Variants in ESYT2 observed in about 807,000 individuals in gnomAD.
ESYT2 encodes the protein extended synaptotagmin-2.
A neutral mutation model predicts 107.2 loss-of-function variants in ESYT2; 54 were observed. The ratio of observed to expected loss-of-function variants is 0.50; its 90% CI spans 0.40 to 0.63. The LOEUF is 0.63. Ranked by LOEUF, ESYT2 falls within the 30% of genes least tolerant of loss-of-function variation. ESYT2 has a pLI of 0.00. For missense variants in ESYT2, 1,020 were observed against 1,094.5 expected, an observed-to-expected ratio of 0.93 and a Z score of 0.96; for synonymous variants, 491 against 434.1, an observed-to-expected ratio of 1.13 and a Z score of -1.63.
At chr7:158,791,297 C>T (rs1406935950) in intron 4 of ESYT2, among the ~76,000 whole-genome samples, 2 of 152,228 alleles carry the variant, frequency 1.3e-5, no homozygotes, top group Non-Finnish European at 1.5e-5. Flanking sequence ...CTAAGGTGTA[C>T]AGGCCACATT....
At position 158,791,280 on chromosome 7, in the gene ESYT2, C is replaced by G. The variant is rs79439679; in HGVS notation, c.584+2370G>C. On this transcript the variant is annotated intron_variant, in intron 4 of 22. Coordinates refer to ENST00000275418, the MANE Select transcript of ESYT2 (RefSeq NM_001367773.1). Reference sequence around the variant, plus strand: ...ATGTGGCGGCCTGGAGCAGGAGTCCCGTGTTTCTAAGGTGTACAGGCCACA... The same window carrying G: ...ATGTGGCGGCCTGGAGCAGGAGTCCGGTGTTTCTAAGGTGTACAGGCCACA... 5.3e-3 allele frequency among the ~76,000 whole-genome samples: 808 copies of G among 152,302 alleles called. 45 individuals carry two copies. The East Asian group carries it at 0.12, about 22-fold the overall frequency.
Position 158,743,556 on chromosome 7 carries a change from G to A in ESYT2, c.1767C>T (p.Ser589=). The A allele has an allele frequency of 3.7e-6, 6 of 1,612,588 alleles. No homozygotes were observed. The highest frequency in any genetic ancestry group is 1.1e-5 in the South Asian group (1 of 90,874). Residue 589 remains serine (S), a synonymous_variant, in exon 17 of 23, where the codon AGC becomes AGT. Transcript: ENST00000275418. The part of the protein sequence containing the change: ...RFQLSNSGPN[S]TIKMKIALRV... ...GCAGGGCAATCTTCATCTTGATGGT[G>A]CTGTTTGGACCCGAGTTACTGAGCT...
At chr7:158,781,371 T>C (rs941656125) in intron 6 of ESYT2, among the ~76,000 whole-genome samples, 3 of 149,726 alleles carry the variant, frequency 2.0e-5, no homozygotes, top group Admixed American at 1.3e-4. Flanking sequence ...CGAGAACAAG[T>C]GTGAGAGTGA....
intron 17 of ESYT2, among the ~76,000 whole-genome samples, chr7:158,742,677 T>C (rs1448060860): frequency 6.6e-6 from 1 of 152,244 alleles, no homozygotes; most frequent in East Asian, 1.9e-4. Flanking sequence ...GTCCCTGGGC[T>C]GGCTTGAGCA....
At chr7:158,741,973 C>CT (rs1482275629) in intron 17 of ESYT2, 77 bp from the exon 18 acceptor site, 2 of 1,435,908 alleles carry the variant, frequency 1.4e-6, no homozygotes, top group Non-Finnish European at 1.8e-6. Context: ...CCTGGGATGT[C>CT]TTTACCTGCA....
intron 13 of ESYT2, among the ~76,000 whole-genome samples, chr7:158,758,072 T>A (rs1837829534): frequency 1.1e-5 from 1 of 91,706 alleles, no homozygotes; most frequent in Non-Finnish European, 2.1e-5. Context: ...ACTGGAAGAC[T>A]GATCAAAGGC....
chr7:158,753,036 C>T (rs985638024), intron 13 of ESYT2, among the ~76,000 whole-genome samples, 193 bp from the exon 14 acceptor site: 1 of 152,194 alleles, frequency 6.6e-6, no homozygotes, highest in African/African-American at 2.4e-5. Context: ...TTAGAATGAA[C>T]CTTTAATCTA....
At chr7:158,783,263 G>A (rs1444722554) in intron 6 of ESYT2, among the ~76,000 whole-genome samples, 2 of 152,180 alleles carry the variant, frequency 1.3e-5, no homozygotes, top group Non-Finnish European at 2.9e-5. Flanking sequence ...GAAGCGCACA[G>A]ATGCCCCTCT....
intron 1 of ESYT2, among the ~76,000 whole-genome samples, chr7:158,812,952 G>A (rs1215046995): frequency 6.6e-6 from 1 of 152,162 alleles, no homozygotes; most frequent in East Asian, 1.9e-4. Flanking sequence ...ACCACGAATG[G>A]GCACAAAACA....
At chr7:158,802,707 T>C (rs1215131732) in intron 1 of ESYT2, among the ~76,000 whole-genome samples, 1 of 152,242 alleles carries the variant, frequency 6.6e-6, no homozygotes, top group African/African-American at 2.4e-5. Flanking sequence ...TGCTGACTCA[T>C]TCCTCTTTAA....
At chr7:158,782,123 G>A (rs186238089) in intron 6 of ESYT2, among the ~76,000 whole-genome samples, 1 of 116,790 alleles carries the variant, frequency 8.6e-6, no homozygotes, top group Non-Finnish European at 1.7e-5. Context: ...AGGTGTGAGT[G>A]TAAGAACGAG....
intron 9 of ESYT2, among the ~76,000 whole-genome samples, 178 bp downstream of exon 9, chr7:158,764,499 T>C (rs1025674384): frequency 1.3e-5 from 2 of 152,208 alleles, no homozygotes; most frequent in Admixed American, 6.5e-5. Context: ...GACAAGAATG[T>C]TGTGTAGTAA....
At chr7:158,781,413 G>A (rs1186658476) in intron 6 of ESYT2, among the ~76,000 whole-genome samples, 2 of 112,154 alleles carry the variant, frequency 1.8e-5, no homozygotes, top group East Asian at 2.1e-4. Context: ...TGAGGTGTGA[G>A]TGTAAGAACG....
rs372309924 is a variant in ESYT2 at position 158,807,254 on chromosome 7, G to GAAAA, written c.331-8186_331-8183dup. ...CGACAGAGCAAGACTCCGTCTGAAG[G>GAAAA]AAAAAAAAAAAAAAAAAAGAATTAC... On this transcript the variant is annotated intron_variant, in intron 1 of 22. Coordinates refer to ENST00000275418, the MANE Select transcript of ESYT2 (RefSeq NM_001367773.1). Among the ~76,000 whole-genome samples the GAAAA allele has an allele frequency of 8.2e-4, 96 of 117,172 alleles. 1 individual carries two copies. Among genetic ancestry groups the GAAAA allele is most frequent in the East Asian group, 4.9e-3 (20 of 4,094 alleles). The allele number at this position is 117,172 out of a possible 152,430, so 76.9% of individuals were successfully genotyped here. A position where few individuals can be genotyped will look rare whatever the true frequency, so the allele number is the denominator to read the frequency against.
chr7:158,777,916 G>A (rs1027979779), intron 6 of ESYT2, among the ~76,000 whole-genome samples: 1 of 152,172 alleles, frequency 6.6e-6, no homozygotes, highest in African/African-American at 2.4e-5. Context: ...CATGAAGTGA[G>A]CACATGCTGT....
intron 21 of ESYT2, 57 bp from the exon 22 acceptor site, chr7:158,734,528 T>A: frequency 6.6e-7 from 1 of 1,520,176 alleles, no homozygotes; most frequent in Non-Finnish European, 9.0e-7. Context: ...CTGGCTCCCG[T>A]CTGTAATCCC....
At position 158,745,899 on chromosome 7, in the gene ESYT2, T is replaced by C. The variant is rs115283195; in HGVS notation, c.1645-2221A>G. Among the ~76,000 whole-genome samples the C allele has an allele frequency of 7.0e-3, 1,064 of 152,170 alleles. 24 individuals carry two copies. Among genetic ancestry groups the C allele is most frequent in the African/African-American group, 0.025 (1,032 of 41,518 alleles). ...TGCCTACATTATAAAAACAGAAATG[T>C]CTCAAGCTTCTTCTTTAAGAAACTA... On this transcript the variant is annotated intron_variant, in intron 16 of 22. Coordinates refer to ENST00000275418, the MANE Select transcript of ESYT2 (RefSeq NM_001367773.1).
chr7:158,798,009 G>T lies in ESYT2; in HGVS notation c.440C>A (p.Pro147Gln), dbSNP rs779170745. 1 of 1,614,158 alleles carries T rather than the reference G, an allele frequency of 6.2e-7. No homozygotes were observed. Among genetic ancestry groups the T allele is most frequent in the South Asian group, 1.1e-5 (1 of 91,078 alleles). ...IEKLFRETIEPAVRGANTHLS... is the reference protein window; with the variant it reads ...IEKLFRETIEQAVRGANTHLS... ...GTGGGTGTTTGCTCCCCGCACGGCT[G>T]GTTCTATAGTTTCTCGAAACAACTT... Residue 147 changes from proline to glutamine, a missense_variant, in exon 3 of 23, where the codon CCA (proline) becomes CAA (glutamine). Coordinates refer to ENST00000275418, the MANE Select transcript of ESYT2 (RefSeq NM_001367773.1).
At chr7:158,759,051 C>T (rs1355106476) in intron 13 of ESYT2, among the ~76,000 whole-genome samples, 2 of 152,206 alleles carry the variant, frequency 1.3e-5, no homozygotes, top group East Asian at 3.8e-4. Flanking sequence ...ACCATTCTGC[C>T]ATCTGATGCC....
Sources: allele counts gnomAD v4.1 joint callset (sites outside exome capture counted in the v4.1 genomes callset), GRCh38; gene constraint gnomAD v4.1.1; transcripts MANE v1.5; gene names NCBI Gene and HGNC (gene_info 2026-07-23, HGNC 2026-07-21).